The following ITGAE variants were observed in gnomAD, a reference collection of about 807,000 sequenced individuals.
ITGAE encodes integrin subunit alpha E.
ITGAE carries 99 observed loss-of-function variants against 136.5 expected under a neutral mutation model. The ratio of observed to expected loss-of-function variants is 0.73; its 90% CI spans 0.62 to 0.86. The LOEUF is 0.86. Ranked by LOEUF, ITGAE falls within the 40% of genes least tolerant of loss-of-function variation. The probability of loss-of-function intolerance (pLI) is 0.00; values close to 1 mark genes in which losing one functional copy is unlikely to be tolerated. For synonymous variants in ITGAE, 613 were observed against 591.8 expected (o/e 1.04, Z -0.52); for missense variants, 1,447 against 1,515.3 (o/e 0.95, Z 0.75).
chr17:3,728,369 T>C (rs1274243132), intron 24 of ITGAE: 1 of 24,530 alleles, frequency 4.1e-5, no homozygotes, highest in Non-Finnish European at 8.3e-5. Flanking sequence ...CACTCATCCC[T>C]TTTTTTTTTT....
In ITGAE at chr17:3,753,883, T is replaced by C. The variant is rs145804822; in HGVS notation, c.1427A>G (p.Tyr476Cys). The change falls in exon 13 of 31, where the codon TAC becomes TGC. Residue 476 changes from tyrosine to cysteine, a missense_variant. Tyr to Cys is a radical substitution (Grantham distance 194). Around this residue, in one of 3 missense-constraint regions of ITGAE, gnomAD observed 1,031 missense variants for 1,011.4 expected, o/e 1.02. Coordinates refer to ENST00000263087, the MANE Select transcript of ITGAE (RefSeq NM_002208.5). The part of the protein sequence containing the change: ...AVLHKTCSLS[Y>C]IAGAPRYKHH... ...TTTGTACCGTGGAGCCCCCGCGATG[T>C]AGGAGAGGCTGCAGGTCTTGTGCAG... The C allele has an allele frequency of 2.5e-6, 4 of 1,613,978 alleles. No individual in the cohort carries two copies. Among genetic ancestry groups the C allele is most frequent in the Non-Finnish European group, 3.4e-6 (4 of 1,180,004 alleles).
In ITGAE at chr17:3,759,561, G is replaced by A. The variant is rs1352011202; in HGVS notation, c.715-8C>T. On this transcript the variant is annotated splice_polypyrimidine_tract_variant and splice_region_variant and intron_variant, in intron 7 of 30. Coordinates refer to ENST00000263087, the MANE Select transcript of ITGAE (RefSeq NM_002208.5). ...CACCAAGGCAAAGTTGCACTGCAGG[G>A]GATGGGCAGGAGGGCAGGAGGTTGG... is the stretch of plus-strand genomic sequence containing the variant. 1.2e-6 allele frequency: 2 copies of A among 1,605,752 alleles called. No individual in the cohort carries two copies. The highest frequency in any genetic ancestry group is 1.3e-5 in the African/African-American group (1 of 74,788).
chr17:3,724,185 G>A (rs777071599), intron 26 of ITGAE: 2 of 1,591,558 alleles, frequency 1.3e-6, no homozygotes, highest in South Asian at 2.2e-5. Context: ...GAGGCGTCCC[G>A]GCGGCCGAGT....
At chr17:3,729,704 C>G (rs1352907629) in intron 23 of ITGAE, 149 bp from the exon 24 acceptor site, 23 of 632,632 alleles carry the variant, frequency 3.6e-5, no homozygotes, top group Non-Finnish European at 6.0e-5. Flanking sequence ...AAGCAATTCT[C>G]ATGCCTCAGC....
rs769699316 is a variant in ITGAE, at chr17:3,728,212, C to T, written c.2913-44G>A. 1.2e-5 allele frequency: 18 copies of T among 1,486,454 alleles called. No homozygotes were observed. The East Asian group carries it at 1.4e-4, about 11-fold the overall frequency. 92.1% of individuals were successfully genotyped at this position (1,486,454 alleles called of 1,614,324 possible). A position where few individuals can be genotyped will look rare whatever the true frequency, so the allele number is the denominator to read the frequency against. ...GCGTCAGCCCTTGAGGAGTCTTTCT[C>T]CCTTTTTTGGAGACAGGGTCTCACT... On this transcript the variant is annotated intron_variant, in intron 24 of 30. Coordinates refer to ENST00000263087, the MANE Select transcript of ITGAE (RefSeq NM_002208.5).
Position 3,751,818 on chromosome 17 carries a change from G to A in ITGAE, c.1725C>T (p.Ala575=), listed in dbSNP as rs749848495. The A allele has an allele frequency of 6.2e-7, 1 of 1,614,012 alleles. No individual in the cohort carries two copies. The highest frequency in any genetic ancestry group is 2.2e-5 in the East Asian group (1 of 44,900). ...TAGCCGCCATGGCAAAGCCAAAGCG[G>A]GCATTGGTGAACCCGGGGTGCCCAC... ...ILSGHPGFTN[A]RFGFAMAAMG... The change falls in exon 15 of 31, where the codon GCC becomes GCT. Residue 575 remains alanine (A), a synonymous_variant. Coordinates refer to ENST00000263087, the MANE Select transcript of ITGAE (RefSeq NM_002208.5).
chr17:3,720,369 C>T lies in ITGAE; in HGVS notation c.3271G>A (p.Gly1091Ser), dbSNP rs1567752866. The change falls in exon 29 of 31, where the codon GGT becomes AGT. Residue 1091 changes from glycine (G) to serine (S), a missense_variant. Physicochemically the swap from Gly to Ser is moderately conservative, Grantham distance 56. Coordinates refer to ENST00000263087, the MANE Select transcript of ITGAE (RefSeq NM_002208.5). ...LKDVTELQIL[G>S]EISFNKSLYE... ...AGAGATTTGTTGAAAGATATTTCACCAAGGATCTGCAGTTCAGTTACATCT... is the reference window on the plus strand; with the variant it reads ...AGAGATTTGTTGAAAGATATTTCACTAAGGATCTGCAGTTCAGTTACATCT... The T allele has an allele frequency of 6.3e-7, 1 of 1,575,122 alleles. No homozygotes were observed. Among genetic ancestry groups the T allele is most frequent in the Non-Finnish European group, 8.7e-7 (1 of 1,144,574 alleles).
At chr17:3,727,255 T>C (rs1262899057) in intron 26 of ITGAE, among the ~76,000 whole-genome samples, 3 of 151,224 alleles carry the variant, frequency 2.0e-5, no homozygotes, top group African/African-American at 7.3e-5. Flanking sequence ...CAAAAAAGAG[T>C]CTCAGGGGAG....
At chr17:3,746,326 G>T (rs923151925) in intron 17 of ITGAE, among the ~76,000 whole-genome samples, 1 of 152,112 alleles carries the variant, frequency 6.6e-6, no homozygotes, top group Non-Finnish European at 1.5e-5. Flanking sequence ...TGGAGATCCC[G>T]GGGCCGCCTC....
chr17:3,766,519 C>G (rs1026752154), intron 2 of ITGAE, among the ~76,000 whole-genome samples: 1 of 152,006 alleles, frequency 6.6e-6, no homozygotes, highest in Non-Finnish European at 1.5e-5. Flanking sequence ...AATAAACTTG[C>G]AGCTGGGCTC....
At chr17:3,737,698 A>G (rs2051490338) in intron 20 of ITGAE, among the ~76,000 whole-genome samples, 1 of 152,212 alleles carries the variant, frequency 6.6e-6, no homozygotes, top group Non-Finnish European at 1.5e-5. Flanking sequence ...AGGGCCCGGA[A>G]TGCCAAAATT....
chr17:3,772,033 T>C (rs2052436514), intron 2 of ITGAE, among the ~76,000 whole-genome samples: 1 of 152,182 alleles, frequency 6.6e-6, no homozygotes, highest in Admixed American at 6.5e-5. Flanking sequence ...CAGCTTACTT[T>C]TCATCACTGT....
chr17:3,751,423 C>T (rs1164525931), intron 15 of ITGAE, among the ~76,000 whole-genome samples: 3 of 151,558 alleles, frequency 2.0e-5, no homozygotes, highest in Admixed American at 6.6e-5. Context: ...CTGAAGGGGC[C>T]GAGGTGAAGC....
chr17:3,755,762 C>T, intron 11 of ITGAE, 68 bp downstream of exon 11: 2 of 1,414,514 alleles, frequency 1.4e-6, no homozygotes, highest in Admixed American at 4.0e-5. Context: ...GCAGGAGTCC[C>T]TGAATCCTAG....
Position 3,723,705 on chromosome 17 carries a change from C to T in ITGAE, c.3124G>A (p.Ala1042Thr). The change falls in exon 27 of 31, where the codon GCG becomes ACG. Residue 1042 changes from alanine (A) to threonine (T), a missense_variant. By Grantham distance (58) the Ala-to-Thr change is moderately conservative (BLOSUM62 0). Around this residue, in one of 3 missense-constraint regions of ITGAE, gnomAD observed 1,031 missense variants for 1,011.4 expected, o/e 1.02. Coordinates refer to ENST00000263087, the MANE Select transcript of ITGAE (RefSeq NM_002208.5). Reference sequence around the variant, plus strand: ...GCGCTTACCTGAACCGAACTGTACGCACAAGCGCGCTCCTGACTCCAGGTG... The same window carrying T: ...GCGCTTACCTGAACCGAACTGTACGTACAAGCGCGCTCCTGACTCCAGGTG... ...VCTWSQERAC[A>T]YSSVQHVEEW... The T allele has an allele frequency of 1.2e-6, 2 of 1,602,742 alleles. No individual in the cohort carries two copies. Among genetic ancestry groups the T allele is most frequent in the Non-Finnish European group, 1.7e-6 (2 of 1,174,524 alleles).
In ITGAE at chr17:3,714,769, A is replaced by C; in HGVS notation, c.*78T>G. 1.3e-6 allele frequency: 1 copy of C among 796,006 alleles called. No individual in the cohort carries two copies. The highest frequency in any genetic ancestry group is 2.1e-6 in the Non-Finnish European group (1 of 466,206). 49.3% of individuals were successfully genotyped at this position (796,006 alleles called of 1,614,324 possible). A position where few individuals can be genotyped will look rare whatever the true frequency, so the allele number is the denominator to read the frequency against. On this transcript the variant is annotated 3_prime_UTR_variant, in exon 31 of 31. Coordinates refer to ENST00000263087, the MANE Select transcript of ITGAE (RefSeq NM_002208.5). ...TCCATGCTGCTCTAGATCATCCTGA[A>C]GGAAAAAGTAATGCAAAGGATGCTG... is the stretch of plus-strand genomic sequence containing the variant.
chr17:3,748,957 C>T (rs189218071), intron 16 of ITGAE, among the ~76,000 whole-genome samples: 9 of 152,232 alleles, frequency 5.9e-5, no homozygotes, highest in Admixed American at 2.0e-4. Flanking sequence ...GAGTTTCAGG[C>T]AGCAGAGTGA....
intron 15 of ITGAE, among the ~76,000 whole-genome samples, chr17:3,751,333 C>T (rs115265881): frequency 0.019 from 2,884 of 151,666 alleles, 64 homozygotes; most frequent in African/African-American, 0.04. Context: ...AGAGAGGAAG[C>T]AGGGACCCGA....
chr17:3,747,385 T>A (rs1188508788), intron 17 of ITGAE, among the ~76,000 whole-genome samples: 1 of 151,984 alleles, frequency 6.6e-6, no homozygotes, highest in Non-Finnish European at 1.5e-5. Flanking sequence ...TGGTGCGATC[T>A]CAGCTCACTG....
Sources: gnomAD v4.1 joint callset for allele counts (sites outside exome capture counted in the v4.1 genomes callset) on GRCh38, gnomAD v4.1.1 for gene constraint, gnomAD v4.1.1 regional missense constraint, MANE v1.5 for transcripts, NCBI Gene and HGNC (gene_info 2026-07-23, HGNC 2026-07-21) for gene names.